Variants in GTF2H1 observed in about 807,000 individuals in gnomAD.
GTF2H1 encodes BTF2 p62.
Under a neutral mutation model 71.2 loss-of-function variants are expected in GTF2H1, and 16 were observed. The ratio of observed to expected loss-of-function variants is 0.22; its 90% CI spans 0.15 to 0.34. GTF2H1 has a LOEUF of 0.34. Ranked by LOEUF, GTF2H1 falls within the 10% of genes least tolerant of loss-of-function variation. The pLI is 1.00. For missense variants in GTF2H1, 498 were observed against 648.2 expected (o/e 0.77, Z 2.52); for synonymous variants, 215 against 219.0 (o/e 0.98, Z 0.16).
rs998382928 is a variant in GTF2H1, at chr11:18,365,922, G to T, written c.*53G>T. 2.4e-6 allele frequency: 3 copies of T among 1,263,778 alleles called. No homozygotes were observed. The African/African-American group carries it at 4.4e-5, about 19-fold the overall frequency. 78.3% of individuals were successfully genotyped at this position (1,263,778 alleles called of 1,614,324 possible). A position where few individuals can be genotyped will look rare whatever the true frequency, so the allele number is the denominator to read the frequency against. ...GAGATTGAGAGAACTATGACCTGCA[G>T]CAACTCTGGAAACCTGGCCTGACAG... On this transcript the variant is annotated 3_prime_UTR_variant, in exon 15 of 15. Transcript: ENST00000265963.
chr11:18,339,533 A>G (rs748704950), intron 4 of GTF2H1, 31 bp from the exon 5 acceptor site: 3 of 1,469,362 alleles, frequency 2.0e-6, no homozygotes, highest in Non-Finnish European at 2.8e-6. Context: ...CTGATGCTCT[A>G]ACGTGTATGT....
intron 1 of GTF2H1, among the ~76,000 whole-genome samples, chr11:18,325,583 A>G (rs966967494): frequency 2.6e-5 from 4 of 152,224 alleles, no homozygotes; most frequent in Non-Finnish European, 5.9e-5. Context: ...AGACGTGTAC[A>G]TTAAAAGAAT....
intron 9 of GTF2H1, among the ~76,000 whole-genome samples, chr11:18,349,830 A>AC (rs1865385662): frequency 1.3e-5 from 2 of 152,258 alleles, no homozygotes; most frequent in African/African-American, 4.8e-5. Context: ...AATGTATGGA[A>AC]CACCATAGTT....
intron 4 of GTF2H1, among the ~76,000 whole-genome samples, chr11:18,338,713 C>T (rs1432950846): frequency 6.6e-6 from 1 of 152,160 alleles, no homozygotes; most frequent in African/African-American, 2.4e-5. Flanking sequence ...CCTCCCAAAG[C>T]TCTGGGATTA....
At chr11:18,361,044 C>G (rs376529633) in intron 14 of GTF2H1, among the ~76,000 whole-genome samples, 66 of 152,136 alleles carry the variant, frequency 4.3e-4, no homozygotes, top group African/African-American at 1.5e-3. Flanking sequence ...CTCAGGTAAT[C>G]AGCCCACCTT....
rs535871274 is a variant in GTF2H1, at chr11:18,334,273, G to A, written c.154+1045G>A. Reference sequence around the variant, plus strand: ...CGGGCGCCTGTAGTCCCAGCTCCTCGGGAGCCTGAGGCAGGAGAATGGCGT... The same window carrying A: ...CGGGCGCCTGTAGTCCCAGCTCCTCAGGAGCCTGAGGCAGGAGAATGGCGT... On this transcript the variant is annotated intron_variant, in intron 2 of 14. Transcript: ENST00000265963. Among the ~76,000 whole-genome samples, 49 of 152,202 alleles carry A rather than the reference G, an allele frequency of 3.2e-4. 1 individual carries two copies. The East Asian group carries it at 6.0e-3, about 19-fold the overall frequency.
Position 18,360,764 on chromosome 11 carries a change from A to T in GTF2H1, c.1560+57A>T, listed in dbSNP as rs895638843. On this transcript the variant is annotated intron_variant, in intron 14 of 14. Coordinates refer to ENST00000265963, the MANE Select transcript of GTF2H1 (RefSeq NM_005316.4). ...TCTTTCTCTTTGTAGTAAAATGATG[A>T]AATTGATTTTGCTTTCATGTAAATG... 4.3e-6 allele frequency: 4 copies of T among 926,498 alleles called. No individual in the cohort carries two copies. In the African/African-American group the frequency reaches 6.9e-5, roughly 16 times the overall value. 57.4% of individuals were successfully genotyped at this position (926,498 alleles called of 1,614,324 possible).
chr11:18,328,375 G>A (rs562262182), intron 1 of GTF2H1, among the ~76,000 whole-genome samples: 51 of 151,650 alleles, frequency 3.4e-4, no homozygotes, highest in South Asian at 1.0e-3. Context: ...AGCCGGGCGT[G>A]GTGGCAGGAA....
At chr11:18,334,885 A>G (rs1470443464) in intron 2 of GTF2H1, among the ~76,000 whole-genome samples, 1 of 152,240 alleles carries the variant, frequency 6.6e-6, no homozygotes, top group Non-Finnish European at 1.5e-5. Context: ...ATTTTAATAA[A>G]AAATAGCCAT....
chr11:18,345,705 T>C (rs1473198526), intron 7 of GTF2H1, among the ~76,000 whole-genome samples: 1 of 151,882 alleles, frequency 6.6e-6, no homozygotes, highest in Non-Finnish European at 1.5e-5. Context: ...ACCAGACTGG[T>C]CTTGAATTCC....
chr11:18,341,454 C>A (rs768755449), intron 6 of GTF2H1, 44 bp downstream of exon 6: 1 of 1,608,240 alleles, frequency 6.2e-7, no homozygotes. Flanking sequence ...AACTTGCCAC[C>A]CTCTAGACAT....
At position 18,347,697 on chromosome 11, in the gene GTF2H1, C is replaced by T. The variant is rs537187681; in HGVS notation, c.947C>T (p.Ala316Val). 2 of 1,613,468 alleles carry T rather than the reference C, an allele frequency of 1.2e-6. No individual in the cohort carries two copies. The highest frequency in any genetic ancestry group is 1.3e-5 in the African/African-American group (1 of 75,002). The change falls in exon 8 of 15, where the codon GCA becomes GTA. Residue 316 changes from alanine to valine, a missense_variant. Ala to Val is a moderately conservative substitution (Grantham distance 64). Transcript: ENST00000265963. ...AACCATCACAGTGCCATGGTCCTGG[C>T]AGCTGGACTCAGAAAACAGTTAAGT... is the stretch of plus-strand genomic sequence containing the variant. The part of the protein sequence containing the change: ...RFNHHSAMVL[A>V]AGLRKQEAQN...
At chr11:18,337,718 T>C (rs1022029139) in intron 3 of GTF2H1, among the ~76,000 whole-genome samples, 6 of 152,180 alleles carry the variant, frequency 3.9e-5, no homozygotes, top group Non-Finnish European at 7.3e-5. Context: ...TTTAAGTATA[T>C]GGGAGGATAT....
intron 14 of GTF2H1, among the ~76,000 whole-genome samples, chr11:18,364,490 A>T (rs565188334): frequency 6.6e-6 from 1 of 152,208 alleles, no homozygotes; most frequent in South Asian, 2.1e-4. Flanking sequence ...CTGAGGCAGG[A>T]GGATCACTTG....
At chr11:18,364,034 A>G (rs1453837298) in intron 14 of GTF2H1, among the ~76,000 whole-genome samples, 1 of 151,924 alleles carries the variant, frequency 6.6e-6, no homozygotes, top group Admixed American at 6.6e-5. Flanking sequence ...AGATCGTGCC[A>G]TTGCATCTAG....
intron 1 of GTF2H1, among the ~76,000 whole-genome samples, chr11:18,327,961 C>G (rs1864804132): frequency 6.6e-6 from 1 of 152,110 alleles, no homozygotes; most frequent in South Asian, 2.1e-4. Context: ...GTAATCGCAG[C>G]ACTTTGGGAG....
At chr11:18,365,397 A>AAT (rs1191024220) in intron 14 of GTF2H1, among the ~76,000 whole-genome samples, 2 of 152,112 alleles carry the variant, frequency 1.3e-5, no homozygotes, top group African/African-American at 4.8e-5. Flanking sequence ...AATAAAATAA[A>AAT]ATAAAGTTTA....
intron 9 of GTF2H1, 61 bp downstream of exon 9, chr11:18,347,980 T>C (rs1865337261): frequency 3.0e-6 from 3 of 1,013,074 alleles, no homozygotes; most frequent in Non-Finnish European, 4.7e-6. Flanking sequence ...TTTATGTGAC[T>C]GCAAGTACTG....
intron 11 of GTF2H1, among the ~76,000 whole-genome samples, chr11:18,357,445 G>A (rs1308037834): frequency 6.6e-6 from 1 of 152,046 alleles, no homozygotes; most frequent in Non-Finnish European, 1.5e-5. Flanking sequence ...CAGGTGCGGA[G>A]TACACACCTG....
Sources: allele counts gnomAD v4.1 joint callset (sites outside exome capture counted in the v4.1 genomes callset), GRCh38; gene constraint gnomAD v4.1.1; transcripts MANE v1.5; gene names NCBI Gene and HGNC (gene_info 2026-07-23, HGNC 2026-07-21).